PHB2: variants seen among roughly 807,000 people sequenced by gnomAD.
PHB2 encodes prohibitin-2.
Under a neutral mutation model 46.4 loss-of-function variants are expected in PHB2, and 22 were observed. The ratio of observed to expected loss-of-function variants is 0.47; its 90% CI spans 0.34 to 0.68. The LOEUF (loss-of-function observed/expected upper bound fraction) is 0.68, where lower values mean the gene tolerates loss of function less well. Among genes scored for constraint, PHB2 ranks in the 30% least tolerant of loss-of-function variants. The pLI is 0.01. For missense variants in PHB2, 305 were observed against 382.8 expected (o/e 0.80, Z 1.70); for synonymous variants, 156 against 150.5 (o/e 1.04, Z -0.27).
In PHB2 at chr12:6,968,505, T is replaced by A. The variant is rs781879949; in HGVS notation, c.383A>T (p.Tyr128Phe). 6.2e-7 allele frequency: 1 copy of A among 1,613,412 alleles called. No individual in the cohort carries two copies. Among genetic ancestry groups the A allele is most frequent in the Non-Finnish European group, 8.5e-7 (1 of 1,179,666 alleles). Residue 128 changes from tyrosine to phenylalanine, a missense_variant, in exon 4 of 10, where the codon TAC becomes TTC. Physicochemically the swap from Tyr to Phe is conservative, Grantham distance 22 (BLOSUM62 3). This residue lies in a region of PHB2 where 241 missense variants were observed against 302.7 expected (regional missense o/e 0.80). Transcript: ENST00000535923. ...PSMYQRLGLDYEERVLPSIVN... is the reference protein window; with the variant it reads ...PSMYQRLGLDFEERVLPSIVN... ...AATGGACGGCAACACTCGTTCCTCG[T>A]AGTCCAGCCCTAGGCGCTGGTACAT...
intron 8 of PHB2, among the ~76,000 whole-genome samples, chr12:6,966,129 A>C (rs1179100779): frequency 6.6e-6 from 1 of 152,178 alleles, no homozygotes; most frequent in Non-Finnish European, 1.5e-5. Context: ...ACATCCCTCC[A>C]TTCACCAGAG....
chr12:6,965,993 C>T (rs966196569), intron 8 of PHB2, 77 bp from the exon 9 acceptor site: 22 of 1,492,360 alleles, frequency 1.5e-5, no homozygotes, highest in Non-Finnish European at 1.9e-5. Context: ...TCAGGCCCCA[C>T]TCAGCTTTGA....
In PHB2 at chr12:6,969,520, G is replaced by A; in HGVS notation, c.270C>T (p.Ile90=). 1 of 1,607,356 alleles carries A rather than the reference G, an allele frequency of 6.2e-7. No homozygotes were observed. The highest frequency in any genetic ancestry group is 8.5e-7 in the Non-Finnish European group (1 of 1,174,566). ...TACCTTTGGAGCCTGTAGGGGAGGAGATTTTTCGAGGTCTGGCCCGAATGT... is the reference window on the plus strand; with the variant it reads ...TACCTTTGGAGCCTGTAGGGGAGGAAATTTTTCGAGGTCTGGCCCGAATGT... ...IYDIRARPRK[I]SSPTGSKDLQ... Residue 90 remains isoleucine (I), a synonymous_variant, in exon 3 of 10, where the codon ATC becomes ATT. Coordinates refer to ENST00000535923, the MANE Select transcript of PHB2 (RefSeq NM_001144831.2).
chr12:6,970,482 G>A lies in PHB2; in HGVS notation c.62C>T (p.Thr21Met). 1 of 1,605,678 alleles carries A rather than the reference G, an allele frequency of 6.2e-7. No homozygotes were observed. The highest frequency in any genetic ancestry group is 8.5e-7 in the Non-Finnish European group (1 of 1,179,020). ...RLPAGPRGMGTALKLLLGAGA... is the reference protein window; with the variant it reads ...RLPAGPRGMGMALKLLLGAGA... Reference sequence around the variant, plus strand: ...GGCCCCCAGCAACAGCTTCAGGGCCGTGCCCATGCCCCGGGGCCCGGCGGG... The same window carrying A: ...GGCCCCCAGCAACAGCTTCAGGGCCATGCCCATGCCCCGGGGCCCGGCGGG... Residue 21 changes from threonine (T) to methionine (M), a missense_variant, in exon 1 of 10, where the codon ACG becomes ATG. Physicochemically the swap from Thr to Met is moderately conservative, Grantham distance 81 (BLOSUM62 -1). Around this residue, in one of 3 missense-constraint regions of PHB2, gnomAD observed 60 missense variants for 61.0 expected, o/e 0.98. Transcript: ENST00000535923.
At chr12:6,969,621 C>G in intron 2 of PHB2, 44 bp from the exon 3 acceptor site, 1 of 1,207,204 alleles carries the variant, frequency 8.3e-7, no homozygotes, top group Non-Finnish European at 1.2e-6. Flanking sequence ...CAGTTTCGGC[C>G]GGGCGCGGTG....
At chr12:6,965,789 C>G in intron 9 of PHB2, 77 bp from the exon 10 acceptor site, 1 of 1,545,212 alleles carries the variant, frequency 6.5e-7, no homozygotes, top group East Asian at 2.3e-5. Context: ...AGGCCATTCC[C>G]TCTACGACCC....
intron 3 of PHB2, 183 bp from the exon 4 acceptor site, chr12:6,968,778 C>T: frequency 1.6e-6 from 1 of 637,304 alleles, no homozygotes; most frequent in Non-Finnish European, 2.9e-6. Flanking sequence ...GCACCCTCAC[C>T]CACTGTGAAG....
Position 6,967,393 on chromosome 12 carries a change from C to G in PHB2, c.712-145G>C. Reference sequence around the variant, plus strand: ...GTGCCCAGCCCTACCGTGGACCCCACCTGTGGGCCTCCCTGCAGGCTGCTG... The same window carrying G: ...GTGCCCAGCCCTACCGTGGACCCCAGCTGTGGGCCTCCCTGCAGGCTGCTG... On this transcript the variant is annotated intron_variant, in intron 6 of 9. Coordinates refer to ENST00000535923, the MANE Select transcript of PHB2 (RefSeq NM_001144831.2). This position sits in a 1 kb window ranked among gnomAD's most constrained non-coding sequence, Gnocchi z 4.9. The G allele has an allele frequency of 6.3e-7, 1 of 1,582,972 alleles. No individual in the cohort carries two copies. The highest frequency in any genetic ancestry group is 1.1e-5 in the South Asian group (1 of 89,708).
At chr12:6,969,789 C>T in intron 2 of PHB2, 2 of 505,414 alleles carry the variant, frequency 4.0e-6, no homozygotes, top group South Asian at 2.1e-5. Context: ...ATCCCAGCTA[C>T]TCGTGAGGCT....
intron 3 of PHB2, among the ~76,000 whole-genome samples, chr12:6,969,182 G>T (rs891290571): frequency 6.6e-6 from 1 of 152,018 alleles, no homozygotes; most frequent in African/African-American, 2.4e-5. Context: ...ACTAGTGGAT[G>T]TAACTGTAGA....
In PHB2 at chr12:6,969,497, C is replaced by T; in HGVS notation, c.292+1G>A. On this transcript the variant is annotated splice_donor_variant, in intron 3 of 9. Coordinates refer to ENST00000535923, the MANE Select transcript of PHB2 (RefSeq NM_001144831.2). LOFTEE classifies it high-confidence loss of function. ...TGTGATTACCAAGTGCTCAGACCTA[C>T]CTTTGGAGCCTGTAGGGGAGGAGAT... 6.3e-7 allele frequency: 1 copy of T among 1,580,750 alleles called. No homozygotes were observed. The highest frequency in any genetic ancestry group is 8.7e-7 in the Non-Finnish European group (1 of 1,151,788).
chr12:6,969,246 A>G (rs781854415), intron 3 of PHB2, among the ~76,000 whole-genome samples: 5 of 152,216 alleles, frequency 3.3e-5, no homozygotes, highest in Non-Finnish European at 7.3e-5. Context: ...GCTTTGATCT[A>G]GGCAGTGAAC....
rs114172645 is a variant in PHB2 at position 6,967,157 on chromosome 12, G to A, written c.789+14C>T. The A allele has an allele frequency of 5.3e-4, 820 of 1,556,232 alleles. 3 individuals carry two copies. The African/African-American group carries it at 7.2e-3, about 14-fold the overall frequency. On this transcript the variant is annotated intron_variant, in intron 7 of 9. Transcript: ENST00000535923. The surrounding 1 kb of genome is among the most constrained non-coding windows in gnomAD (Gnocchi z 4.9). ...AAGGCAGCCCCATCAGAGACGCTGG[G>A]CTGACACACTCACCGTCTTGGAGAT...
intron 7 of PHB2, among the ~76,000 whole-genome samples, chr12:6,966,705 G>A (rs1012611008): frequency 1.3e-5 from 2 of 152,166 alleles, no homozygotes; most frequent in Non-Finnish European, 2.9e-5. Context: ...GGAACCCAGA[G>A]GAATCATTCT....
intron 3 of PHB2, 102 bp downstream of exon 3, chr12:6,969,396 A>T: frequency 3.4e-6 from 2 of 587,400 alleles, no homozygotes; most frequent in Non-Finnish European, 6.1e-6. Context: ...GCAGATGTGG[A>T]AAGAGGCCTA....
intron 7 of PHB2, among the ~76,000 whole-genome samples, chr12:6,966,949 A>G (rs1369547514): frequency 6.6e-6 from 1 of 152,288 alleles, no homozygotes; most frequent in South Asian, 2.1e-4. Context: ...GGGTTTCACC[A>G]TGTTGGCCAG....
intron 3 of PHB2, among the ~76,000 whole-genome samples, chr12:6,969,189 T>G (rs1555151481): frequency 1.3e-5 from 2 of 151,900 alleles, no homozygotes; most frequent in African/African-American, 4.8e-5. Context: ...GATGTAACTG[T>G]AGATATAGTA....
At position 6,970,223 on chromosome 12, in the gene PHB2, G is replaced by C. The variant is rs782729816; in HGVS notation, c.185C>G (p.Thr62Ser). 2.6e-5 allele frequency: 42 copies of C among 1,613,668 alleles called. No homozygotes were observed. The highest frequency in any genetic ancestry group is 7.7e-5 in the South Asian group (7 of 91,094). ...GAAGTGAAGGCCCTCGGCCAGGATA[G>C]TGTCCTGCTGCACTCCACCGATCCG... Reference protein sequence around the residue: ...FNRIGGVQQDTILAEGLHFRI... With the variant: ...FNRIGGVQQDSILAEGLHFRI... Residue 62 changes from threonine (T) to serine (S), a missense_variant, in exon 2 of 10, where the codon ACT becomes AGT. Transcript: ENST00000535923.
At chr12:6,966,014 G>C in intron 8 of PHB2, 98 bp from the exon 9 acceptor site, 1 of 1,286,870 alleles carries the variant, frequency 7.8e-7, no homozygotes, top group Non-Finnish European at 1.1e-6. Flanking sequence ...ACCCTCCTTT[G>C]CTCCCAAGAG....
Sources: gnomAD v4.1 joint callset for allele counts (sites outside exome capture counted in the v4.1 genomes callset) on GRCh38, gnomAD v4.1.1 for gene constraint, gnomAD v4.1.1 regional missense constraint, Gnocchi (gnomAD v3.1) non-coding constraint, MANE v1.5 for transcripts, NCBI Gene and HGNC (gene_info 2026-07-23, HGNC 2026-07-21) for gene names.